FLI1: variants seen among roughly 807,000 people sequenced by gnomAD.
FLI1 encodes Friend leukemia integration 1 transcription factor.
In FLI1, 13 loss-of-function variants were observed where a neutral mutation model predicts 53.1. The ratio of observed to expected loss-of-function variants is 0.24; its 90% confidence interval spans 0.16 to 0.39. The LOEUF (loss-of-function observed/expected upper bound fraction) is 0.39. Ranked by LOEUF, FLI1 falls within the 10% of genes least tolerant of loss-of-function variation. The probability of loss-of-function intolerance (pLI) is 1.00; values close to 1 mark genes in which losing one functional copy is unlikely to be tolerated. For missense variants in FLI1, 424 were observed against 600.5 expected (o/e 0.71, Z 3.07); for synonymous variants, 244 against 236.7 (o/e 1.03, Z -0.28).
chr11:128,810,709 T>C lies in FLI1; in HGVS notation c.1080T>C (p.Phe360=). The change falls in exon 9 of 9, where the codon TTT becomes TTC. Residue 360 remains phenylalanine, a synonymous_variant. Transcript: ENST00000527786. The surrounding 1 kb of genome is among the most constrained non-coding windows in gnomAD (Gnocchi z 6.6). ...KVHGKRYAYK[F]DFHGIAQALQ... ...ACGGCAAAAGATATGCTTACAAATT[T>C]GACTTCCACGGCATTGCCCAGGCTC... 1.2e-6 allele frequency: 2 copies of C among 1,614,070 alleles called. No individual in the cohort carries two copies. Among genetic ancestry groups the C allele is most frequent in the South Asian group, 2.2e-5 (2 of 91,082 alleles).
At chr11:128,685,509 C>T (rs972510670), upstream of FLI1, among the ~76,000 whole-genome samples, 2 of 151,622 alleles carry the variant, frequency 1.3e-5, no homozygotes, top group African/African-American at 4.8e-5. Context: ...TTTCTTTTTT[C>T]TCCTTCTTTC....
chr11:128,727,551 C>A (rs1428575523), intron 1 of FLI1, among the ~76,000 whole-genome samples: 5 of 152,296 alleles, frequency 3.3e-5, no homozygotes, highest in African/African-American at 1.2e-4. Context: ...GCGGAAAGGG[C>A]TGATGTATCA....
intron 1 of FLI1, among the ~76,000 whole-genome samples, chr11:128,751,953 G>T (rs1339833790): frequency 6.6e-6 from 1 of 151,342 alleles, no homozygotes; most frequent in Non-Finnish European, 1.5e-5. Context: ...ATGAGCCATT[G>T]TGCCCAGCTT....
chr11:128,720,570 G>A (rs1345724081), intron 1 of FLI1, among the ~76,000 whole-genome samples: 4 of 152,168 alleles, frequency 2.6e-5, no homozygotes, highest in African/African-American at 7.2e-5. Context: ...ATGGAAGCCC[G>A]TCCAAGACCG....
At chr11:128,709,533 G>A (rs758953952) in intron 1 of FLI1, among the ~76,000 whole-genome samples, 6 of 152,000 alleles carry the variant, frequency 3.9e-5, no homozygotes, top group Admixed American at 6.6e-5. Flanking sequence ...CCACGTATCC[G>A]GCCATTGTTC....
chr11:128,736,336 G>A (rs1472670311), intron 1 of FLI1, among the ~76,000 whole-genome samples: 3 of 152,196 alleles, frequency 2.0e-5, no homozygotes, highest in African/African-American at 7.2e-5. Flanking sequence ...GGGGTGATAC[G>A]AGTTGGTAAG....
Position 128,758,268 on chromosome 11 carries a change from A to C in FLI1, c.172A>C (p.Ile58Leu). 6.2e-7 allele frequency: 1 copy of C among 1,613,742 alleles called. No homozygotes were observed. Residue 58 changes from isoleucine to leucine, a missense_variant, in exon 2 of 9, where the codon ATC (isoleucine) becomes CTC (leucine). By Grantham distance (5) the Ile-to-Leu change is conservative (BLOSUM62 2). This residue lies in a region of FLI1 where 137 missense variants were observed against 169.1 expected (regional missense o/e 0.81). Transcript: ENST00000527786. ...CCCCCTCCCACCACAGCAGGAGTGG[A>C]TCAATCAGCCAGTGAGGGTCAACGT... The part of the protein sequence containing the change: ...INPLPPQQEW[I>L]NQPVRVNVKR...
chr11:128,692,957 CG>C (rs1349393452), upstream of FLI1: 2 of 152,318 alleles, frequency 1.3e-5, no homozygotes, highest in African/African-American at 4.8e-5. Flanking sequence ...GTAGGGAGGA[CG>C]GTCCAGAGCG....
intron 1 of FLI1, among the ~76,000 whole-genome samples, chr11:128,742,932 C>G (rs1015969354): frequency 2.6e-5 from 4 of 152,164 alleles, no homozygotes; most frequent in Admixed American, 1.3e-4. Flanking sequence ...CCACAAGGTT[C>G]CCCATGGACA....
At chr11:128,760,319 C>A (rs888148260) in intron 2 of FLI1, among the ~76,000 whole-genome samples, 6 of 152,050 alleles carry the variant, frequency 3.9e-5, no homozygotes, top group African/African-American at 1.5e-4. Flanking sequence ...CGAACCCAGG[C>A]GTTTGGTTCC....
chr11:128,798,483 T>A (rs927046237), intron 5 of FLI1, among the ~76,000 whole-genome samples: 3 of 152,210 alleles, frequency 2.0e-5, no homozygotes, highest in Non-Finnish European at 2.9e-5. Flanking sequence ...GTCAGCTATT[T>A]CTTCCAAGCC....
At chr11:128,802,062 C>T (rs749660291) in intron 5 of FLI1, among the ~76,000 whole-genome samples, 6 of 152,274 alleles carry the variant, frequency 3.9e-5, no homozygotes, top group African/African-American at 7.2e-5. Context: ...TGACACAAAT[C>T]GTATTCTTGA....
intron 1 of FLI1, chr11:128,748,148 C>G (rs1312833440): frequency 5.1e-6 from 2 of 392,082 alleles, no homozygotes; most frequent in South Asian, 1.0e-4. Context: ...ATCCTCTTCT[C>G]TGTGCTCACT....
chr11:128,690,397 C>A (rs184277332), upstream of FLI1, among the ~76,000 whole-genome samples: 1 of 152,126 alleles, frequency 6.6e-6, no homozygotes, highest in East Asian at 1.9e-4. Flanking sequence ...GACGGAGCCA[C>A]CCCTGGGTCT....
intron 5 of FLI1, among the ~76,000 whole-genome samples, chr11:128,799,698 G>A (rs1942570176): frequency 6.6e-6 from 1 of 152,210 alleles, no homozygotes; most frequent in African/African-American, 2.4e-5. Context: ...GGGTGGGGCT[G>A]AGGGCGCGGA....
chr11:128,743,097 C>A (rs1565477522), intron 1 of FLI1, among the ~76,000 whole-genome samples: 1 of 152,090 alleles, frequency 6.6e-6, no homozygotes, highest in Non-Finnish European at 1.5e-5. Context: ...AGTGCGAGAA[C>A]TGGGAGCCAT....
chr11:128,758,478 G>C (rs150313969), intron 2 of FLI1, among the ~76,000 whole-genome samples, 152 bp downstream of exon 2: 1 of 152,318 alleles, frequency 6.6e-6, no homozygotes, highest in African/African-American at 2.4e-5. Flanking sequence ...CTAAGGCAGA[G>C]AGGGCCACAG....
Position 128,784,758 on chromosome 11 carries a change from A to G in FLI1, c.655+2735A>G, listed in dbSNP as rs1298980392. Among the ~76,000 whole-genome samples the G allele has an allele frequency of 3.9e-5, 6 of 152,158 alleles. No homozygotes were observed. In the East Asian group the frequency reaches 1.2e-3, roughly 29 times the overall value. On this transcript the variant is annotated intron_variant, in intron 5 of 8. Transcript: ENST00000527786. ...TCCTGCTCTGCTCTAATCACTATCT[A>G]TTAGCTATTAGAAGACATCAGGCAA...
chr11:128,693,295 GC>G (rs1937837458), upstream of FLI1: 1 of 152,308 alleles, frequency 6.6e-6, no homozygotes, highest in South Asian at 2.1e-4. Flanking sequence ...TGGAGTCCGC[GC>G]CCTGACAGCG....
Sources: gnomAD v4.1 joint callset for allele counts (sites outside exome capture counted in the v4.1 genomes callset) on GRCh38, gnomAD v4.1.1 for gene constraint, gnomAD v4.1.1 regional missense constraint, Gnocchi (gnomAD v3.1) non-coding constraint, MANE v1.5 for transcripts, NCBI Gene and HGNC (gene_info 2026-07-23, HGNC 2026-07-21) for gene names.